The following CYP39A1 variants were observed in gnomAD, a reference collection of about 807,000 sequenced individuals.
CYP39A1 encodes cytochrome P450 family 39 subfamily A member 1, also known as 24-hydroxycholesterol 7-alpha-hydroxylase.
Under a neutral mutation model 58.1 loss-of-function variants are expected in CYP39A1, and 49 were observed. The ratio of observed to expected loss-of-function variants is 0.84; its 90% CI spans 0.67 to 1.07. The LOEUF (loss-of-function observed/expected upper bound fraction) is 1.07. Among genes scored for constraint, CYP39A1 ranks in the 50% least tolerant of loss-of-function variants. CYP39A1 has a pLI of 0.00. For missense variants in CYP39A1, 531 were observed against 539.4 expected (o/e 0.98, Z 0.16); for synonymous variants, 209 against 187.6 (o/e 1.11, Z -0.93).
chr6:46,596,179 C>A, intron 7 of CYP39A1, 59 bp from the exon 8 acceptor site: 1 of 1,366,390 alleles, frequency 7.3e-7, no homozygotes, highest in East Asian at 2.4e-5. Flanking sequence ...AGTGATTTCA[C>A]GTAAGCTCAT....
rs1050457760 is a variant in CYP39A1 at position 46,646,501 on chromosome 6, T to C, written c.178-4203A>G. On this transcript the variant is annotated intron_variant, in intron 1 of 11. Transcript: ENST00000275016. ...TTTGTTATTTCTGCATCTATTAATATATTCATAAGTAATACTTGTCTGTAG... is the reference window on the plus strand; with the variant it reads ...TTTGTTATTTCTGCATCTATTAATACATTCATAAGTAATACTTGTCTGTAG... 3.3e-5 allele frequency among the ~76,000 whole-genome samples: 5 copies of C among 152,146 alleles called. No individual in the cohort carries two copies. The East Asian group carries it at 7.7e-4, about 23-fold the overall frequency.
intron 10 of CYP39A1, among the ~76,000 whole-genome samples, chr6:46,565,074 TG>T (rs199909650): frequency 0.01 from 1,590 of 152,186 alleles, 19 homozygotes; most frequent in Middle Eastern, 0.027. Flanking sequence ...AACAGATTGC[TG>T]GGCCCCACCC....
intron 7 of CYP39A1, among the ~76,000 whole-genome samples, chr6:46,605,680 C>T (rs922344663): frequency 6.6e-6 from 1 of 152,108 alleles, no homozygotes; most frequent in Non-Finnish European, 1.5e-5. Context: ...CCATTTCTCC[C>T]TCCAAAGATA....
intron 11 of CYP39A1, 121 bp from the exon 12 acceptor site, chr6:46,550,558 G>A: frequency 1.3e-6 from 1 of 744,740 alleles, no homozygotes; most frequent in East Asian, 2.8e-5. Flanking sequence ...TTCAAGTTGG[G>A]AAATGTTTGC....
At position 46,557,470 on chromosome 6, in the gene CYP39A1, G is replaced by A. The variant is rs112145435; in HGVS notation, c.1251-3616C>T. 8.0e-3 allele frequency among the ~76,000 whole-genome samples: 1,211 copies of A among 151,720 alleles called. 21 individuals carry two copies. The highest frequency in any genetic ancestry group is 0.028 in the African/African-American group (1,141 of 41,364). ...AGCTTGGCCAACATAGCCAAACCTC[G>A]TCTCTAATAAAAATACAAAAATATT... On this transcript the variant is annotated intron_variant, in intron 10 of 11. Coordinates refer to ENST00000275016, the MANE Select transcript of CYP39A1 (RefSeq NM_016593.5).
chr6:46,584,022 G>A (rs996780261), intron 10 of CYP39A1, among the ~76,000 whole-genome samples: 1 of 151,970 alleles, frequency 6.6e-6, no homozygotes. Context: ...CAATTTTCTG[G>A]GGATTACAAC....
In CYP39A1 at chr6:46,636,372, A is replaced by G. The variant is rs1392673439; in HGVS notation, c.732+17T>C. ...TACTATCTTTACATTAGCAAAAGAA[A>G]GGTAAGAAATACTTACCATGGAATT... On this transcript the variant is annotated intron_variant, in intron 5 of 11. Coordinates refer to ENST00000275016, the MANE Select transcript of CYP39A1 (RefSeq NM_016593.5). 1 of 1,503,632 alleles carries G rather than the reference A, an allele frequency of 6.7e-7. No homozygotes were observed. Among genetic ancestry groups the G allele is most frequent in the Non-Finnish European group, 9.2e-7 (1 of 1,090,228 alleles). 93.1% of individuals were successfully genotyped at this position (1,503,632 alleles called of 1,614,324 possible). A position where few individuals can be genotyped will look rare whatever the true frequency, so the allele number is the denominator to read the frequency against.
intron 5 of CYP39A1, among the ~76,000 whole-genome samples, chr6:46,633,274 G>A (rs945425203): frequency 3.0e-4 from 45 of 152,192 alleles, no homozygotes; most frequent in African/African-American, 1.1e-3. Flanking sequence ...ACAGGACAAA[G>A]TTTATACCTC....
In CYP39A1 at chr6:46,599,573, C is replaced by A. The variant is rs147766533; in HGVS notation, c.932-3453G>T. Among the ~76,000 whole-genome samples, 667 of 152,174 alleles carry A rather than the reference C, an allele frequency of 4.4e-3. 5 individuals carry two copies. The highest frequency in any genetic ancestry group is 0.015 in the African/African-American group (628 of 41,530). ...CCAGTCTGCTCATACCAGATGAATCCAGAGATGACAGGAGGTATCTTTCCC... is the reference window on the plus strand; with the variant it reads ...CCAGTCTGCTCATACCAGATGAATCAAGAGATGACAGGAGGTATCTTTCCC... On this transcript the variant is annotated intron_variant, in intron 7 of 11. Coordinates refer to ENST00000275016, the MANE Select transcript of CYP39A1 (RefSeq NM_016593.5).
At chr6:46,599,177 T>C (rs911061898) in intron 7 of CYP39A1, among the ~76,000 whole-genome samples, 1 of 152,184 alleles carries the variant, frequency 6.6e-6, no homozygotes, top group South Asian at 2.1e-4. Context: ...GTGCTGAGTA[T>C]GAAGATGTAG....
rs180869361 is a variant in CYP39A1, at chr6:46,595,226, T to C, written c.1065+761A>G. On this transcript the variant is annotated intron_variant, in intron 8 of 11. Transcript: ENST00000275016. ...CTATCGGTGGGAATGTAAATTAGTA[T>C]AGCCATATGGTAAACAGTATGAAGG... 2.8e-4 allele frequency among the ~76,000 whole-genome samples: 42 copies of C among 152,014 alleles called. No individual in the cohort carries two copies. In the East Asian group the frequency reaches 7.4e-3, roughly 27 times the overall value.
Position 46,652,569 on chromosome 6 carries a change from GAA to G in CYP39A1, c.12_13del (p.Ser5ProfsTer23). ...ACCCAGGATTATAATCACTGTTGGGGAAATTAGTTCCATGTTTTTGTCCAGCA... is the reference window on the plus strand; with the variant it reads ...ACCCAGGATTATAATCACTGTTGGGGATTAGTTCCATGTTTTTGTCCAGCA... On this transcript the variant is annotated frameshift_variant, in exon 1 of 12. Coordinates refer to ENST00000275016, the MANE Select transcript of CYP39A1 (RefSeq NM_016593.5). LOFTEE classifies it high-confidence loss of function. The G allele has an allele frequency of 1.2e-6, 2 of 1,604,402 alleles. No homozygotes were observed. The highest frequency in any genetic ancestry group is 1.7e-6 in the Non-Finnish European group (2 of 1,176,090).
At position 46,549,683 on chromosome 6, in the gene CYP39A1, G is replaced by A. The variant is rs1003365970; in HGVS notation, c.*683C>T. 6.6e-6 allele frequency: 1 copy of A among 152,010 alleles called. No homozygotes were observed. The highest frequency in any genetic ancestry group is 1.5e-5 in the Non-Finnish European group (1 of 68,008). The allele number at this position is 152,010 out of a possible 1,614,324, so 9.4% of individuals were successfully genotyped here. A position where few individuals can be genotyped will look rare whatever the true frequency, so the allele number is the denominator to read the frequency against. On this transcript the variant is annotated 3_prime_UTR_variant, in exon 12 of 12. Coordinates refer to ENST00000275016, the MANE Select transcript of CYP39A1 (RefSeq NM_016593.5). ...CTTTGAGTCAAAACAATGCTTCCAG[G>A]TTAATTAAAATATAAATCAATACAT...
Position 46,650,484 on chromosome 6 carries a change from CTTTTTTTTTTT to C in CYP39A1, c.177+1911_177+1921del, listed in dbSNP as rs567314746. Among the ~76,000 whole-genome samples the C allele has an allele frequency of 4.3e-4, 15 of 35,190 alleles. No individual in the cohort carries two copies. The South Asian group carries it at 5.6e-3, about 13-fold the overall frequency. The allele number at this position is 35,190 out of a possible 152,430, so 23.1% of individuals were successfully genotyped here. On this transcript the variant is annotated intron_variant, in intron 1 of 11. Coordinates refer to ENST00000275016, the MANE Select transcript of CYP39A1 (RefSeq NM_016593.5). ...AAACATCAAATAATGCAGTCATATT[CTTTTTTTTTTT>C]TTTTTTTTTTTTTTTTTTTTTTTTA...
chr6:46,600,192 G>A (rs1773405862), intron 7 of CYP39A1, among the ~76,000 whole-genome samples: 1 of 151,696 alleles, frequency 6.6e-6, no homozygotes, highest in Non-Finnish European at 1.5e-5. Context: ...GCAGTGGAGC[G>A]ATCTTGGCTC....
intron 11 of CYP39A1, among the ~76,000 whole-genome samples, chr6:46,552,573 A>G (rs1381005601): frequency 6.6e-6 from 1 of 152,242 alleles, no homozygotes; most frequent in Non-Finnish European, 1.5e-5. Flanking sequence ...AGAGTAAATC[A>G]AAGCACAAAA....
chr6:46,627,201 T>A (rs1338059466), intron 6 of CYP39A1, among the ~76,000 whole-genome samples: 1 of 152,064 alleles, frequency 6.6e-6, no homozygotes, highest in Non-Finnish European at 1.5e-5. Flanking sequence ...TCCCACCAGG[T>A]CCCTCCCTTT....
chr6:46,624,643 G>A (rs1775190768), intron 7 of CYP39A1, among the ~76,000 whole-genome samples: 1 of 151,620 alleles, frequency 6.6e-6, no homozygotes, highest in Admixed American at 6.6e-5. Flanking sequence ...CATACCTTTT[G>A]CCCTAATATT....
intron 7 of CYP39A1, among the ~76,000 whole-genome samples, chr6:46,622,730 T>C (rs114652380): frequency 6.4e-4 from 97 of 151,790 alleles, no homozygotes; most frequent in African/African-American, 2.1e-3. Flanking sequence ...AAGACTTAGA[T>C]AGAAGGTGTA....
Sources: allele counts gnomAD v4.1 joint callset (sites outside exome capture counted in the v4.1 genomes callset), GRCh38; gene constraint gnomAD v4.1.1; transcripts MANE v1.5; gene names NCBI Gene and HGNC (gene_info 2026-07-23, HGNC 2026-07-21).